The following SPIDR variants were observed in gnomAD, a reference collection of about 807,000 sequenced individuals.
SPIDR encodes the protein DNA repair-scaffolding protein.
A neutral mutation model predicts 104.6 loss-of-function variants in SPIDR; 93 were observed. The ratio of observed to expected loss-of-function variants is 0.89; its 90% confidence interval spans 0.75 to 1.06. SPIDR has a LOEUF of 1.06. Among genes scored for constraint, SPIDR ranks in the 50% least tolerant of loss-of-function variants. The probability of loss-of-function intolerance (pLI) is 0.00; values close to 1 mark genes in which losing one functional copy is unlikely to be tolerated. For missense variants in SPIDR, 1,154 were observed against 1,111.2 expected (o/e 1.04, Z -0.55); for synonymous variants, 431 against 416.9 (o/e 1.03, Z -0.41).
chr8:47,498,456 T>G (rs967506143), intron 8 of SPIDR, among the ~76,000 whole-genome samples: 14 of 152,196 alleles, frequency 9.2e-5, no homozygotes, highest in African/African-American at 3.4e-4. Flanking sequence ...CTTTTTTGTT[T>G]TAAAATAAAG....
chr8:47,669,629 A>G (rs1407779416), intron 10 of SPIDR, among the ~76,000 whole-genome samples: 1 of 152,204 alleles, frequency 6.6e-6, no homozygotes, highest in African/African-American at 2.4e-5. Flanking sequence ...CTCCCTTCTC[A>G]ACACAATCAA....
chr8:47,636,109 A>G (rs2067879314), intron 10 of SPIDR, among the ~76,000 whole-genome samples: 1 of 152,136 alleles, frequency 6.6e-6, no homozygotes, highest in Non-Finnish European at 1.5e-5. Flanking sequence ...GCATGTGTTC[A>G]CCTCATGTCT....
chr8:47,571,545 A>G (rs1480416740), intron 8 of SPIDR, among the ~76,000 whole-genome samples: 1 of 152,228 alleles, frequency 6.6e-6, no homozygotes, highest in Admixed American at 6.5e-5. Flanking sequence ...TAACTTAAGG[A>G]AAGTAATTTA....
chr8:47,394,955 C>G (rs1484298658), intron 5 of SPIDR, among the ~76,000 whole-genome samples: 1 of 152,082 alleles, frequency 6.6e-6, no homozygotes, highest in East Asian at 1.9e-4. Flanking sequence ...GAAATTTAGA[C>G]ATTTACTTTT....
intron 8 of SPIDR, among the ~76,000 whole-genome samples, chr8:47,544,544 G>A (rs2088878568): frequency 6.6e-6 from 1 of 152,166 alleles, no homozygotes; most frequent in East Asian, 1.9e-4. Flanking sequence ...TAGGTGGAAG[G>A]TTTTGGTTTT....
chr8:47,523,110 C>T (rs1338536326), intron 8 of SPIDR, among the ~76,000 whole-genome samples: 1 of 152,134 alleles, frequency 6.6e-6, no homozygotes, highest in African/African-American at 2.4e-5. Context: ...AGGCAATCCT[C>T]CCACCTCGAA....
intron 8 of SPIDR, among the ~76,000 whole-genome samples, chr8:47,552,471 T>C (rs1044738234): frequency 6.6e-6 from 1 of 152,234 alleles, no homozygotes; most frequent in Non-Finnish European, 1.5e-5. Flanking sequence ...TGGGTGCATA[T>C]ATATTTAAGA....
intron 10 of SPIDR, among the ~76,000 whole-genome samples, chr8:47,647,055 A>C (rs2070508894): frequency 6.6e-6 from 1 of 152,196 alleles, no homozygotes; most frequent in Non-Finnish European, 1.5e-5. Context: ...AAGCAACCTA[A>C]ATGTCAGTGT....
chr8:47,301,095 G>C (rs1222041682), intron 5 of SPIDR, among the ~76,000 whole-genome samples: 1 of 152,100 alleles, frequency 6.6e-6, no homozygotes, highest in African/African-American at 2.4e-5. Flanking sequence ...TATCTTTGTA[G>C]GTCTCTAAGG....
At chr8:47,363,500 T>C (rs79159504) in intron 5 of SPIDR, among the ~76,000 whole-genome samples, 1 of 139,680 alleles carries the variant, frequency 7.2e-6, no homozygotes, top group African/African-American at 2.8e-5. Flanking sequence ...CAACCTTTTT[T>C]AAAAAAAAAA....
chr8:47,282,368 A>G (rs1299919422), intron 2 of SPIDR, among the ~76,000 whole-genome samples: 6 of 152,230 alleles, frequency 3.9e-5, no homozygotes, highest in African/African-American at 1.4e-4. Flanking sequence ...CTTCTAATAT[A>G]AGGCTCTTTC....
In SPIDR at chr8:47,723,436, T is replaced by TC. The variant is rs1320027091; in HGVS notation, c.2342-3764_2342-3763insC. The stretch of plus-strand genomic sequence containing the variant: ...AATATCAATTATACTTTTTTTTTTT[T>TC]TTTTTTTTCTGGAGAAGGAGTCTCG... On this transcript the variant is annotated intron_variant, in intron 16 of 19. Coordinates refer to ENST00000297423, the MANE Select transcript of SPIDR (RefSeq NM_001080394.4). 7.1e-4 allele frequency among the ~76,000 whole-genome samples: 106 copies of TC among 148,902 alleles called. 1 individual carries two copies. The East Asian group carries it at 0.019, about 26-fold the overall frequency.
intron 10 of SPIDR, among the ~76,000 whole-genome samples, chr8:47,609,440 T>C (rs1415996238): frequency 6.6e-6 from 1 of 152,232 alleles, no homozygotes; most frequent in African/African-American, 2.4e-5. Context: ...CATTGTGGGT[T>C]GGACCCTCCT....
intron 5 of SPIDR, among the ~76,000 whole-genome samples, chr8:47,352,205 A>C (rs1185296133): frequency 1.3e-5 from 2 of 150,896 alleles, no homozygotes; most frequent in Admixed American, 6.7e-5. Flanking sequence ...TGAACCCGGG[A>C]GGCGGAGGTC....
At chr8:47,448,027 T>C (rs1319778168) in intron 8 of SPIDR, among the ~76,000 whole-genome samples, 2 of 152,248 alleles carry the variant, frequency 1.3e-5, no homozygotes, top group Non-Finnish European at 2.9e-5. Context: ...ATAATAACTT[T>C]ATTGGAGTGG....
At chr8:47,596,941 C>A (rs1408124227) in intron 9 of SPIDR, among the ~76,000 whole-genome samples, 1 of 152,156 alleles carries the variant, frequency 6.6e-6, no homozygotes, top group East Asian at 1.9e-4. Context: ...CCATCTTCCA[C>A]CTCCACATCT....
At position 47,504,932 on chromosome 8, in the gene SPIDR, C is replaced by T. The variant is rs117420916; in HGVS notation, c.1097+64390C>T. On this transcript the variant is annotated intron_variant, in intron 8 of 19. Transcript: ENST00000297423. ...TGTTTGCCTGGATATCAGCAGCAGA[C>T]GCTGCAGAGTGGCTGATATTGGTGA... Among the ~76,000 whole-genome samples, 93 of 152,290 alleles carry T rather than the reference C, an allele frequency of 6.1e-4. 1 individual carries two copies. The East Asian group carries it at 6.2e-3, about 10-fold the overall frequency.
intron 5 of SPIDR, among the ~76,000 whole-genome samples, chr8:47,331,589 G>C (rs1160910441): frequency 6.6e-6 from 1 of 152,178 alleles, no homozygotes; most frequent in Non-Finnish European, 1.5e-5. Flanking sequence ...CTCTGGGTGA[G>C]TCAGTGAGTG....
intron 10 of SPIDR, among the ~76,000 whole-genome samples, chr8:47,657,630 T>C (rs566070929): frequency 6.6e-6 from 1 of 152,292 alleles, no homozygotes; most frequent in African/African-American, 2.4e-5. Context: ...CTAGTACATA[T>C]AGTTTATACT....
Sources: gnomAD v4.1 joint callset for allele counts (sites outside exome capture counted in the v4.1 genomes callset) on GRCh38, gnomAD v4.1.1 for gene constraint, MANE v1.5 for transcripts, NCBI Gene and HGNC (gene_info 2026-07-23, HGNC 2026-07-21) for gene names.